PRUNE1: variants seen among roughly 807,000 people sequenced by gnomAD.
PRUNE1 encodes exopolyphosphatase PRUNE1.
In PRUNE1, 25 loss-of-function variants were observed where a neutral mutation model predicts 42.5. The observed-to-expected ratio is 0.59, with a 90% CI of 0.43 to 0.82. The LOEUF (loss-of-function observed/expected upper bound fraction) is 0.82. PRUNE1 is among the 40% of genes least tolerant of loss of function. The pLI is 0.00. For missense variants in PRUNE1, 443 were observed against 539.3 expected, an observed-to-expected ratio of 0.82 and a Z score of 1.77; for synonymous variants, 203 against 217.1, an observed-to-expected ratio of 0.93 and a Z score of 0.57.
intron 7 of PRUNE1, among the ~76,000 whole-genome samples, chr1:151,033,391 CTTTT>C (rs1409975062): frequency 7.9e-6 from 1 of 126,784 alleles, no homozygotes; most frequent in African/African-American, 3.1e-5. Context: ...GGCTGACTTA[CTTTT>C]TTTTTTTTTT....
chr1:151,022,366 T>A (rs1674511462), intron 3 of PRUNE1, among the ~76,000 whole-genome samples: 1 of 150,718 alleles, frequency 6.6e-6, no homozygotes. Flanking sequence ...CGCCTCAGCC[T>A]CCCAAAGTGC....
Position 151,033,919 on chromosome 1 carries a change from G to T in PRUNE1, c.1047G>T (p.Lys349Asn). ...AAGGCAACACCCAGGTCTCTCGAAA[G>T]AAACTTCTGCCCCTGCTCCAGGAAG... The part of the protein sequence containing the change: ...YLQGNTQVSR[K>N]KLLPLLQEAL... Residue 349 changes from lysine (K) to asparagine (N), a missense_variant, in exon 8 of 8, where the codon AAG becomes AAT. Physicochemically the swap from Lys to Asn is moderately conservative, Grantham distance 94. Coordinates refer to ENST00000271620, the MANE Select transcript of PRUNE1 (RefSeq NM_021222.3). 3.1e-6 allele frequency: 5 copies of T among 1,614,078 alleles called. No individual in the cohort carries two copies. The highest frequency in any genetic ancestry group is 4.2e-6 in the Non-Finnish European group (5 of 1,179,976).
At chr1:151,017,656 G>A (rs186619163) in intron 1 of PRUNE1, among the ~76,000 whole-genome samples, 156 bp from the exon 2 acceptor site, 1 of 152,074 alleles carries the variant, frequency 6.6e-6, no homozygotes, top group South Asian at 2.1e-4. Flanking sequence ...CTAGTAGGAG[G>A]TTGAGGCTGC....
At chr1:151,011,405 G>C (rs587609408) in intron 1 of PRUNE1, among the ~76,000 whole-genome samples, 5 of 152,240 alleles carry the variant, frequency 3.3e-5, no homozygotes, top group African/African-American at 1.2e-4. Context: ...TTGCTTCAGG[G>C]TGGGGCTGCA....
chr1:151,025,884 G>A (rs1213379878), intron 5 of PRUNE1, among the ~76,000 whole-genome samples: 1 of 151,802 alleles, frequency 6.6e-6, no homozygotes, highest in Admixed American at 6.6e-5. Flanking sequence ...GGGATTACAG[G>A]CGCCCACCAC....
Position 151,024,871 on chromosome 1 carries a change from C to T in PRUNE1, c.520+76C>T, listed in dbSNP as rs1324551668. On this transcript the variant is annotated intron_variant, in intron 4 of 7. Coordinates refer to ENST00000271620, the MANE Select transcript of PRUNE1 (RefSeq NM_021222.3). ...AGAAGGGAGGGTGGAAAAGTCTAGA[C>T]GCTTCCAGCCTAACCATATGCTCTC... 1.6e-5 allele frequency: 23 copies of T among 1,430,966 alleles called. No homozygotes were observed. In the Middle Eastern group the frequency reaches 1.4e-3, roughly 87 times the overall value. 88.6% of individuals were successfully genotyped at this position (1,430,966 alleles called of 1,614,324 possible). A position where few individuals can be genotyped will look rare whatever the true frequency, so the allele number is the denominator to read the frequency against.
intron 7 of PRUNE1, among the ~76,000 whole-genome samples, chr1:151,031,807 G>A (rs587735365): frequency 2.6e-5 from 4 of 152,046 alleles, no homozygotes; most frequent in South Asian, 4.2e-4. Flanking sequence ...ACTTGGAAAC[G>A]ACACTAGATT....
At chr1:151,021,482 A>G (rs915898174) in intron 3 of PRUNE1, among the ~76,000 whole-genome samples, 17 of 152,162 alleles carry the variant, frequency 1.1e-4, no homozygotes, top group Non-Finnish European at 2.2e-4. Context: ...TAATCTATAA[A>G]TATCTCAATA....
rs181810340 is a variant in PRUNE1, at chr1:151,023,578, C to T, written c.336-1033C>T. ...ACTAAAAATACAAAAATTAGCTGGG[C>T]CTGGTGGTGGGCGCCTGTACTCCCA... On this transcript the variant is annotated intron_variant, in intron 3 of 7. Coordinates refer to ENST00000271620, the MANE Select transcript of PRUNE1 (RefSeq NM_021222.3). Among the ~76,000 whole-genome samples, 28 of 151,464 alleles carry T rather than the reference C, an allele frequency of 1.8e-4. No individual in the cohort carries two copies. The East Asian group carries it at 5.5e-3, about 30-fold the overall frequency.
chr1:151,010,091 A>G (rs114283603), intron 1 of PRUNE1, among the ~76,000 whole-genome samples: 21 of 152,038 alleles, frequency 1.4e-4, no homozygotes, highest in African/African-American at 4.1e-4. Flanking sequence ...TATATTCTCT[A>G]TTTTTATTTT....
At chr1:151,021,197 G>A (rs1403352263) in intron 3 of PRUNE1, among the ~76,000 whole-genome samples, 2 of 151,068 alleles carry the variant, frequency 1.3e-5, no homozygotes, top group African/African-American at 2.4e-5. Context: ...GCTCACGCCT[G>A]TAATCCCAGC....
At chr1:151,021,820 TTGTGTGTG>T (rs587667625) in intron 3 of PRUNE1, among the ~76,000 whole-genome samples, 1 of 148,102 alleles carries the variant, frequency 6.8e-6, no homozygotes, top group African/African-American at 2.5e-5. Context: ...CGGGATAATT[TTGTGTGTG>T]TGTGTGTGTG....
At chr1:151,019,512 C>A (rs1213388944) in intron 3 of PRUNE1, among the ~76,000 whole-genome samples, 1 of 142,898 alleles carries the variant, frequency 7.0e-6, no homozygotes, top group South Asian at 2.2e-4. Context: ...GCCAAGATCA[C>A]ACCACTCCAC....
intron 1 of PRUNE1, among the ~76,000 whole-genome samples, chr1:151,011,862 T>C (rs1422523370): frequency 6.6e-6 from 1 of 151,764 alleles, no homozygotes; most frequent in Non-Finnish European, 1.5e-5. Context: ...CACTGCAACC[T>C]CCGCCTGCCA....
chr1:151,030,611 C>CTGTA, intron 7 of PRUNE1, among the ~76,000 whole-genome samples: 1 of 152,258 alleles, frequency 6.6e-6, no homozygotes, highest in Middle Eastern at 3.4e-3. Context: ...CCACCTCAGC[C>CTGTA]TGTAGCTGGG....
rs1675396382 is a variant in PRUNE1 at position 151,033,832 on chromosome 1, C to G, written c.960C>G (p.His320Gln). ...TCTGTGAAGTCCTGGAACGCTCCCA[C>G]TCTCCACCCCTGAAGCTGACCCCTG... ...TTICEVLERS[H>Q]SPPLKLTPAS... Residue 320 changes from histidine (H) to glutamine (Q), a missense_variant, in exon 8 of 8, where the codon CAC becomes CAG. Coordinates refer to ENST00000271620, the MANE Select transcript of PRUNE1 (RefSeq NM_021222.3). 1.2e-6 allele frequency: 2 copies of G among 1,613,908 alleles called. No individual in the cohort carries two copies. The highest frequency in any genetic ancestry group is 1.7e-6 in the Non-Finnish European group (2 of 1,179,936).
At chr1:151,013,956 C>G (rs1346847014) in intron 1 of PRUNE1, among the ~76,000 whole-genome samples, 1 of 151,094 alleles carries the variant, frequency 6.6e-6, no homozygotes, top group Non-Finnish European at 1.5e-5. Flanking sequence ...CAGTGCTGTT[C>G]AGTATGAATG....
chr1:151,029,432 A>G (rs865923002), intron 7 of PRUNE1, among the ~76,000 whole-genome samples: 35 of 145,102 alleles, frequency 2.4e-4, no homozygotes, highest in African/African-American at 8.4e-4. Context: ...CAGTGGCACA[A>G]TCTCGGCTCA....
intron 7 of PRUNE1, among the ~76,000 whole-genome samples, chr1:151,029,956 AG>A (rs1675138731): frequency 6.6e-6 from 1 of 151,808 alleles, no homozygotes; most frequent in Non-Finnish European, 1.5e-5. Context: ...TGATTAGCCT[AG>A]GGAAGAATTT....
Sources: allele counts gnomAD v4.1 joint callset (sites outside exome capture counted in the v4.1 genomes callset), GRCh38; gene constraint gnomAD v4.1.1; transcripts MANE v1.5; gene names NCBI Gene and HGNC (gene_info 2026-07-23, HGNC 2026-07-21).